The following CEP112 variants were observed in gnomAD, a reference collection of about 807,000 sequenced individuals.
CEP112 encodes the protein centrosomal protein of 112 kDa.
In CEP112, 127 loss-of-function variants were observed where a neutral mutation model predicts 153.0. The observed-to-expected ratio is 0.83, with a 90% CI of 0.72 to 0.96. CEP112 has a LOEUF of 0.96. Among genes scored for constraint, CEP112 ranks in the 40% least tolerant of loss-of-function variants. CEP112 has a pLI of 0.00. For synonymous variants in CEP112, 358 were observed against 374.4 expected, an observed-to-expected ratio of 0.96 and a Z score of 0.51; for missense variants, 1,089 against 1,101.2, an observed-to-expected ratio of 0.99 and a Z score of 0.16.
intron 11 of CEP112, among the ~76,000 whole-genome samples, chr17:66,058,043 A>G (rs1386166026): frequency 6.6e-6 from 1 of 151,940 alleles, no homozygotes; most frequent in East Asian, 1.9e-4. Flanking sequence ...CAGTGAGCTA[A>G]GATTGCACCA....
intron 21 of CEP112, among the ~76,000 whole-genome samples, chr17:65,779,783 C>T (rs1252952613): frequency 6.6e-6 from 1 of 152,136 alleles, no homozygotes; most frequent in Non-Finnish European, 1.5e-5. Flanking sequence ...AAGCCACATA[C>T]TTTATTAAAG....
intron 23 of CEP112, among the ~76,000 whole-genome samples, chr17:65,700,088 C>T (rs141856640): frequency 3.3e-5 from 5 of 150,172 alleles, no homozygotes; most frequent in African/African-American, 4.9e-5. Context: ...ATGCTTTCTG[C>T]TCCTCCTCCT....
At chr17:65,806,494 T>C (rs972979519) in intron 21 of CEP112, among the ~76,000 whole-genome samples, 1 of 152,248 alleles carries the variant, frequency 6.6e-6, no homozygotes, top group African/African-American at 2.4e-5. Flanking sequence ...ATATCATTAA[T>C]ATGGTTTGGC....
At chr17:66,022,559 A>T (rs1245751417) in intron 16 of CEP112, among the ~76,000 whole-genome samples, 2 of 151,990 alleles carry the variant, frequency 1.3e-5, no homozygotes, top group Non-Finnish European at 2.9e-5. Flanking sequence ...TACAAAAAAA[A>T]TTAGCCAGGT....
rs1173357216 is a variant in CEP112, at chr17:65,821,538, ATATTTTTTTTTTTTTT to A, written c.2394+30250_2394+30265del. 5.6e-3 allele frequency among the ~76,000 whole-genome samples: 219 copies of A among 39,116 alleles called. 1 individual carries two copies. The highest frequency in any genetic ancestry group is 0.026 in the African/African-American group (200 of 7,586). The allele number at this position is 39,116 out of a possible 152,430, so 25.7% of individuals were successfully genotyped here. A position where few individuals can be genotyped will look rare whatever the true frequency, so the allele number is the denominator to read the frequency against. On this transcript the variant is annotated intron_variant, in intron 21 of 26. Transcript: ENST00000535342. ...ATTATATATATATATATATATATAT[ATATTTTTTTTTTTTTT>A]TTTTTTTTTTTTTCTGAGACGGAGT...
intron 5 of CEP112, among the ~76,000 whole-genome samples, chr17:66,130,755 G>A (rs888072651): frequency 2.1e-4 from 27 of 128,838 alleles, no homozygotes; most frequent in Admixed American, 5.6e-4. Flanking sequence ...CAGCCTGGGC[G>A]ACAGAGCGAG....
intron 20 of CEP112, among the ~76,000 whole-genome samples, chr17:65,894,109 T>C (rs889388760): frequency 6.6e-6 from 1 of 152,098 alleles, no homozygotes; most frequent in Non-Finnish European, 1.5e-5. Context: ...TTCTCAGAGA[T>C]AATTTCTGCC....
intron 20 of CEP112, chr17:65,873,207 C>A (rs1190245908): frequency 2.0e-5 from 3 of 152,206 alleles, no homozygotes; most frequent in Non-Finnish European, 4.4e-5. Context: ...TGGTCATGGT[C>A]CCATCGGGCT....
chr17:65,819,138 A>G (rs901958565), intron 21 of CEP112, among the ~76,000 whole-genome samples: 1 of 151,898 alleles, frequency 6.6e-6, no homozygotes, highest in African/African-American at 2.4e-5. Flanking sequence ...GACATTTGCT[A>G]CTGAAAAATG....
At position 65,852,119 on chromosome 17, in the gene CEP112, T is replaced by C. The variant is rs952666442; in HGVS notation, c.2164-85A>G. ...AACCAATGGGCAAAAGGCCAATAAA[T>C]GAAATATGAACATATGGAATAGAAA... On this transcript the variant is annotated intron_variant, in intron 20 of 26. Transcript: ENST00000535342. 47 of 817,160 alleles carry C rather than the reference T, an allele frequency of 5.8e-5. No homozygotes were observed. The Admixed American group carries it at 1.1e-3, about 19-fold the overall frequency. The allele number at this position is 817,160 out of a possible 1,614,324, so 50.6% of individuals were successfully genotyped here.
chr17:66,173,139 T>C (rs2072315629), intron 4 of CEP112, among the ~76,000 whole-genome samples: 1 of 152,100 alleles, frequency 6.6e-6, no homozygotes, highest in African/African-American at 2.4e-5. Flanking sequence ...GAAAAACAAA[T>C]ACTTCATTTT....
At chr17:65,735,486 T>C (rs2050746028) in intron 23 of CEP112, among the ~76,000 whole-genome samples, 1 of 152,192 alleles carries the variant, frequency 6.6e-6, no homozygotes, top group African/African-American at 2.4e-5. Flanking sequence ...GCTCTTCAAC[T>C]AAGATGGTGT....
chr17:65,701,174 C>CG (rs886976780), intron 23 of CEP112, among the ~76,000 whole-genome samples: 2 of 152,020 alleles, frequency 1.3e-5, no homozygotes, highest in African/African-American at 4.8e-5. Context: ...ATGATGGGCC[C>CG]GGGGGAATGC....
intron 23 of CEP112, among the ~76,000 whole-genome samples, chr17:65,720,709 C>A (rs2049821427): frequency 6.6e-6 from 1 of 152,160 alleles, no homozygotes; most frequent in Non-Finnish European, 1.5e-5. Flanking sequence ...TTGAACATAT[C>A]TCAACACTTA....
intron 20 of CEP112, 49 bp downstream of exon 20, chr17:65,902,103 G>A (rs749761864): frequency 2.1e-6 from 3 of 1,397,234 alleles, no homozygotes; most frequent in Non-Finnish European, 3.0e-6. Context: ...AAACGCTGAT[G>A]ACTTTTTAAA....
chr17:65,762,446 T>C (rs1191361997), intron 21 of CEP112, among the ~76,000 whole-genome samples: 1 of 152,072 alleles, frequency 6.6e-6, no homozygotes, highest in Non-Finnish European at 1.5e-5. Context: ...TTACTTGATA[T>C]AGTTAGATCA....
At position 66,185,518 on chromosome 17, in the gene CEP112, G is replaced by A. The variant is rs567998722; in HGVS notation, c.-8-2211C>T. ...TTACAGGCATGAGCCACTGCGCCCCGCCAAATTTAAACTTTTTAATCCTTT... is the reference window on the plus strand; with the variant it reads ...TTACAGGCATGAGCCACTGCGCCCCACCAAATTTAAACTTTTTAATCCTTT... On this transcript the variant is annotated intron_variant, in intron 1 of 26. Transcript: ENST00000535342. Among the ~76,000 whole-genome samples, 140 of 152,238 alleles carry A rather than the reference G, an allele frequency of 9.2e-4. 1 individual carries two copies. Among genetic ancestry groups the A allele is most frequent in the African/African-American group, 3.2e-3 (134 of 41,516 alleles).
At chr17:66,007,983 G>A (rs2064345641) in intron 16 of CEP112, among the ~76,000 whole-genome samples, 1 of 151,924 alleles carries the variant, frequency 6.6e-6, no homozygotes, top group Non-Finnish European at 1.5e-5. Context: ...TTTATACATG[G>A]CATTTTTGTT....
intron 23 of CEP112, among the ~76,000 whole-genome samples, chr17:65,706,788 T>TG (rs2048937133): frequency 6.6e-6 from 1 of 152,256 alleles, no homozygotes; most frequent in Non-Finnish European, 1.5e-5. Context: ...CTATGGCTAT[T>TG]GCCCTTGTCT....
Sources: gnomAD v4.1 joint callset for allele counts (sites outside exome capture counted in the v4.1 genomes callset) on GRCh38, gnomAD v4.1.1 for gene constraint, MANE v1.5 for transcripts, NCBI Gene and HGNC (gene_info 2026-07-23, HGNC 2026-07-21) for gene names.